The following AFG2A variants were observed in gnomAD, a reference collection of about 807,000 sequenced individuals.
AFG2A encodes the protein AAA ATPase AFG2A, also known as ATPase family gene 2 protein homolog A.
At chr4:122,970,413 C>A in the AFG2A span, among the ~76,000 whole-genome samples, 3 of 151,662 alleles carry the variant, frequency 2.0e-5, no homozygotes, top group African/African-American at 7.3e-5. Context: ...AGACACATCT[C>A]TCAGAATGTA....
the AFG2A span, among the ~76,000 whole-genome samples, chr4:123,230,541 T>C: frequency 6.6e-6 from 1 of 151,898 alleles, no homozygotes; most frequent in African/African-American, 2.4e-5. Flanking sequence ...TTCCTGAGGG[T>C]TGGAATCAAC....
chr4:123,243,791 G>A, the AFG2A span, among the ~76,000 whole-genome samples: 1 of 108,078 alleles, frequency 9.3e-6, no homozygotes, highest in Admixed American at 1.1e-4. Context: ...AATCTGAGCA[G>A]GAGGATCACT....
the AFG2A span, among the ~76,000 whole-genome samples, chr4:123,125,801 A>T: frequency 6.6e-6 from 1 of 152,234 alleles, no homozygotes; most frequent in East Asian, 1.9e-4. Flanking sequence ...GTTTTGTTTT[A>T]TAATTCAAAA....
the AFG2A span, among the ~76,000 whole-genome samples, chr4:123,089,411 C>T: frequency 1.2e-4 from 18 of 152,122 alleles, no homozygotes; most frequent in South Asian, 2.1e-4. Context: ...ATGTTTAATA[C>T]GCTTACAATG....
the AFG2A span, among the ~76,000 whole-genome samples, chr4:123,285,707 G>A: frequency 6.6e-6 from 1 of 152,202 alleles, no homozygotes; most frequent in South Asian, 2.1e-4. Context: ...AGCTATGGTG[G>A]GTAAAGAAAA....
the AFG2A span, among the ~76,000 whole-genome samples, chr4:122,927,281 A>G: frequency 6.6e-6 from 1 of 152,208 alleles, no homozygotes; most frequent in Non-Finnish European, 1.5e-5. Context: ...TCCCAGTTCA[A>G]TCCTTTGAAT....
the AFG2A span, among the ~76,000 whole-genome samples, chr4:123,240,728 G>C: frequency 6.6e-6 from 1 of 152,076 alleles, no homozygotes; most frequent in Non-Finnish European, 1.5e-5. Context: ...AAGAACTAGA[G>C]AAGAAAGAGG....
chr4:123,053,329 C>T, the AFG2A span, among the ~76,000 whole-genome samples: 17 of 152,356 alleles, frequency 1.1e-4, no homozygotes, highest in African/African-American at 3.6e-4. Context: ...GATACTCCGG[C>T]TGCGTGGAAA....
the AFG2A span, among the ~76,000 whole-genome samples, chr4:123,088,652 A>G: frequency 6.6e-6 from 1 of 152,070 alleles, no homozygotes; most frequent in East Asian, 1.9e-4. Flanking sequence ...TTCAGTTCTC[A>G]TGATAGTGAG....
chr4:123,115,270 C>T, the AFG2A span, among the ~76,000 whole-genome samples: 1 of 152,064 alleles, frequency 6.6e-6, no homozygotes, highest in East Asian at 1.9e-4. Flanking sequence ...GATCGCGGGC[C>T]CCAAACCCAG....
At chr4:122,950,470 G>T in the AFG2A span, among the ~76,000 whole-genome samples, 3 of 151,990 alleles carry the variant, frequency 2.0e-5, no homozygotes, top group Non-Finnish European at 4.4e-5. Context: ...CTCCTGAGTA[G>T]CTGGGATTAC....
chr4:123,241,568 GA>G, the AFG2A span, among the ~76,000 whole-genome samples: 56 of 152,242 alleles, frequency 3.7e-4, no homozygotes, highest in East Asian at 6.4e-3. Flanking sequence ...AAAGGCCTTC[GA>G]AAAAATTCAA....
At chr4:123,118,757 AGTAATTTTGAATGTGTC>A in the AFG2A span, among the ~76,000 whole-genome samples, 1 of 152,110 alleles carries the variant, frequency 6.6e-6, no homozygotes, top group Admixed American at 6.5e-5. Flanking sequence ...TACTTTCACC[AGTAATTTTGAATGTGTC>A]GGGGTTTCCA....
chr4:122,948,389 C>T, the AFG2A span, among the ~76,000 whole-genome samples: 4 of 67,450 alleles, frequency 5.9e-5, no homozygotes, highest in Admixed American at 1.6e-4. Context: ...CCAGAGTATA[C>T]ACACACACAC....
chr4:123,163,103 G>A, the AFG2A span, among the ~76,000 whole-genome samples: 18 of 152,102 alleles, frequency 1.2e-4, no homozygotes, highest in East Asian at 1.9e-4. Context: ...CCATAGTAAC[G>A]TGATTAACCA....
At chr4:123,137,254 G>A in the AFG2A span, among the ~76,000 whole-genome samples, 4 of 152,250 alleles carry the variant, frequency 2.6e-5, no homozygotes, top group East Asian at 7.7e-4. Context: ...GGTCACTTTG[G>A]TTGATTATGC....
chr4:123,090,155 C>T, the AFG2A span, among the ~76,000 whole-genome samples: 4 of 152,096 alleles, frequency 2.6e-5, no homozygotes, highest in Admixed American at 6.5e-5. Flanking sequence ...TTTTTTATTT[C>T]ACATAGACTT....
chr4:123,180,381 G>T, the AFG2A span, among the ~76,000 whole-genome samples: 1 of 152,224 alleles, frequency 6.6e-6, no homozygotes, highest in Admixed American at 6.5e-5. Flanking sequence ...TGGTACATAT[G>T]TTACTTAAAA....
At chr4:122,949,814 G>A in the AFG2A span, among the ~76,000 whole-genome samples, 120 of 152,298 alleles carry the variant, frequency 7.9e-4, no homozygotes, top group African/African-American at 2.7e-3. Context: ...CTTGCACAAG[G>A]GAGGACTAGG....
Sources: allele counts gnomAD v4.1 joint callset (sites outside exome capture counted in the v4.1 genomes callset), GRCh38; gene constraint gnomAD v4.1.1; transcripts MANE v1.5; gene names NCBI Gene and HGNC (gene_info 2026-07-23, HGNC 2026-07-21).